The following FBXW12 variants were observed in gnomAD, a reference collection of about 807,000 sequenced individuals.
FBXW12 encodes F-box/WD repeat-containing protein 12.
A neutral mutation model predicts 55.3 loss-of-function variants in FBXW12; 43 were observed. That is an observed-to-expected ratio of 0.78 (90% CI 0.61 to 1.00). FBXW12 has a LOEUF of 1.00. Ranked by LOEUF, FBXW12 falls within the 50% of genes least tolerant of loss-of-function variation. The probability of loss-of-function intolerance (pLI) is 0.00; values close to 1 mark genes in which losing one functional copy is unlikely to be tolerated. For synonymous variants in FBXW12, 184 were observed against 203.8 expected (o/e 0.90, Z 0.83); for missense variants, 524 against 560.5 (o/e 0.93, Z 0.66).
chr3:48,378,331 G>A lies in FBXW12; in HGVS notation c.420G>A (p.Trp140Ter), dbSNP rs144563746. The A allele has an allele frequency of 1.3e-5, 21 of 1,613,856 alleles. No homozygotes were observed. The African/African-American group carries it at 1.3e-4, about 10-fold the overall frequency. ...AWDVQEGTMI[W>*]SSPVQEFHFS... The stretch of plus-strand genomic sequence containing the variant: ...TCGTTTTCTAGGGTACCATGATCTG[G>A]TCAAGCCCAGTCCAGGAGTTCCATT... The change falls in exon 6 of 11, where the codon TGG becomes TGA. Residue 140 changes from tryptophan (W) to a stop codon, truncating the protein, a stop_gained. Transcript: ENST00000296438. LOFTEE classifies it high-confidence loss of function.
rs893452642 is a variant in FBXW12 at position 48,378,305 on chromosome 3, C to A, written c.406-12C>A. 8 of 1,610,200 alleles carry A rather than the reference C, an allele frequency of 5.0e-6. No individual in the cohort carries two copies. In the African/African-American group the frequency reaches 8.0e-5, roughly 16 times the overall value. On this transcript the variant is annotated splice_polypyrimidine_tract_variant and intron_variant, in intron 5 of 10. Coordinates refer to ENST00000296438, the MANE Select transcript of FBXW12 (RefSeq NM_207102.2). ...TTCCTTGAACACAGGTCGTGTTACT[C>A]TCGTTTTCTAGGGTACCATGATCTG... is the stretch of plus-strand genomic sequence containing the variant.
At chr3:48,379,153 T>A (rs1463808899) in intron 6 of FBXW12, among the ~76,000 whole-genome samples, 1 of 152,178 alleles carries the variant, frequency 6.6e-6, no homozygotes, top group African/African-American at 2.4e-5. Flanking sequence ...GGGGTGACAT[T>A]GAGAAAAAGC....
chr3:48,374,082 G>A (rs965559369), intron 4 of FBXW12, among the ~76,000 whole-genome samples: 2 of 152,098 alleles, frequency 1.3e-5, no homozygotes, highest in Non-Finnish European at 2.9e-5. Flanking sequence ...ACTTTGAAAG[G>A]CCGAGGTGGG....
In FBXW12 at chr3:48,381,596, G is replaced by A. The variant is rs1466492183; in HGVS notation, c.986-104G>A. On this transcript the variant is annotated intron_variant, in intron 8 of 10. Transcript: ENST00000296438. The stretch of plus-strand genomic sequence containing the variant: ...CCCGGAATGAAGTCTGTGGAAGTGG[G>A]GACTATGCTTTTTTATTCAGTGTGA... 3.9e-6 allele frequency: 5 copies of A among 1,284,704 alleles called. No individual in the cohort carries two copies. The African/African-American group carries it at 5.9e-5, about 15-fold the overall frequency. The allele number at this position is 1,284,704 out of a possible 1,614,324, so 79.6% of individuals were successfully genotyped here. A position where few individuals can be genotyped will look rare whatever the true frequency, so the allele number is the denominator to read the frequency against.
intron 7 of FBXW12, among the ~76,000 whole-genome samples, chr3:48,380,501 T>C (rs1375292596): frequency 6.6e-6 from 1 of 152,210 alleles, no homozygotes; most frequent in Non-Finnish European, 1.5e-5. Context: ...CATTGTTCTG[T>C]GAATGGGACA....
chr3:48,380,608 A>G, intron 7 of FBXW12, 94 bp from the exon 8 acceptor site: 1 of 896,086 alleles, frequency 1.1e-6, no homozygotes, highest in Non-Finnish European at 1.8e-6. Context: ...TGGCCACAAG[A>G]TGAGAATTTC....
chr3:48,394,683 TTG>T lies in FBXW12; in HGVS notation c.*25_*26del. ...AATATGGAAACTAACAAAATTGACC[TTG>T]CATCATCTTCTGCAATGTAGTAAAG... On this transcript the variant is annotated 3_prime_UTR_variant, in exon 11 of 11. Transcript: ENST00000296438. 8.2e-7 allele frequency: 1 copy of T among 1,224,104 alleles called. No homozygotes were observed. The highest frequency in any genetic ancestry group is 1.3e-5 in the South Asian group (1 of 78,100). 75.8% of individuals were successfully genotyped at this position (1,224,104 alleles called of 1,614,324 possible).
intron 7 of FBXW12, 41 bp downstream of exon 7, chr3:48,379,599 G>C: frequency 6.3e-7 from 1 of 1,585,118 alleles, no homozygotes; most frequent in African/African-American, 1.3e-5. Flanking sequence ...GGATAGGAAT[G>C]TCAAGTTAGG....
chr3:48,382,165 G>A (rs1438243424), intron 10 of FBXW12, 80 bp downstream of exon 10: 1 of 1,517,848 alleles, frequency 6.6e-7, no homozygotes, highest in Non-Finnish European at 9.0e-7. Context: ...TCACCAGGCT[G>A]TAGTGCAGTG....
chr3:48,382,828 G>A (rs1176649428), intron 10 of FBXW12, among the ~76,000 whole-genome samples: 1 of 152,168 alleles, frequency 6.6e-6, no homozygotes, highest in East Asian at 1.9e-4. Context: ...ATTATTGCTA[G>A]TCATTATACT....
chr3:48,384,316 T>A (rs2036815704), intron 10 of FBXW12, among the ~76,000 whole-genome samples: 1 of 152,182 alleles, frequency 6.6e-6, no homozygotes, highest in South Asian at 2.1e-4. Flanking sequence ...AAGAGTACTG[T>A]CTTATTTCAA....
intron 10 of FBXW12, among the ~76,000 whole-genome samples, chr3:48,388,609 T>C: frequency 6.6e-6 from 1 of 152,238 alleles, no homozygotes; most frequent in South Asian, 2.1e-4. Context: ...TTATATTGTT[T>C]TTCATTCTTT....
intron 3 of FBXW12, 57 bp from the exon 4 acceptor site, chr3:48,373,491 C>T: frequency 6.2e-7 from 1 of 1,603,882 alleles, no homozygotes; most frequent in South Asian, 1.1e-5. Flanking sequence ...ATAACCGGGG[C>T]TCTGAGGAGG....
chr3:48,377,073 T>G (rs138425149), intron 5 of FBXW12, among the ~76,000 whole-genome samples: 159 of 152,338 alleles, frequency 1.0e-3, no homozygotes, highest in African/African-American at 3.5e-3. Context: ...GATTCTGCAA[T>G]GATACTACAA....
At chr3:48,375,183 C>A (rs1370151262) in intron 4 of FBXW12, among the ~76,000 whole-genome samples, 171 bp from the exon 5 acceptor site, 1 of 152,210 alleles carries the variant, frequency 6.6e-6, no homozygotes, top group African/African-American at 2.4e-5. Flanking sequence ...CCCAAATGGC[C>A]AGTCTGCCGT....
At position 48,380,697 on chromosome 3, in the gene FBXW12, T is replaced by C; in HGVS notation, c.775-5T>C. ...CCCTGACCATGCATGCGATGCTCTC[T>C]TTAGGTATTCCTCACAGAGTCCTTA... On this transcript the variant is annotated splice_polypyrimidine_tract_variant and splice_region_variant and intron_variant, in intron 7 of 10. Coordinates refer to ENST00000296438, the MANE Select transcript of FBXW12 (RefSeq NM_207102.2). The C allele has an allele frequency of 6.2e-7, 1 of 1,609,434 alleles. No homozygotes were observed. The highest frequency in any genetic ancestry group is 8.5e-7 in the Non-Finnish European group (1 of 1,175,688).
chr3:48,394,396 A>G (rs947766338), intron 10 of FBXW12, among the ~76,000 whole-genome samples, 164 bp from the exon 11 acceptor site: 2 of 151,808 alleles, frequency 1.3e-5, no homozygotes, highest in Non-Finnish European at 2.9e-5. Context: ...AATCAGTGTA[A>G]CTTTCCCTGA....
intron 2 of FBXW12, 72 bp from the exon 3 acceptor site, chr3:48,373,236 T>C (rs189389025): frequency 6.2e-7 from 1 of 1,609,660 alleles, no homozygotes; most frequent in African/African-American, 1.3e-5. Flanking sequence ...CCAGAACAAA[T>C]AATAGCAGAG....
chr3:48,394,584 T>C lies in FBXW12; in HGVS notation c.1320T>C (p.Asp440=). ...TDSCISSVMC[D]NASIVLRVRK... Reference sequence around the variant, plus strand: ...GCTGCATCTCCAGTGTGATGTGTGATAATGCAAGCATAGTACTTAGGGTGA... The same window carrying C: ...GCTGCATCTCCAGTGTGATGTGTGACAATGCAAGCATAGTACTTAGGGTGA... The change falls in exon 11 of 11, where the codon GAT becomes GAC. Residue 440 remains aspartate, a synonymous_variant. Coordinates refer to ENST00000296438, the MANE Select transcript of FBXW12 (RefSeq NM_207102.2). 1 of 1,605,228 alleles carries C rather than the reference T, an allele frequency of 6.2e-7. No homozygotes were observed. Among genetic ancestry groups the C allele is most frequent in the Non-Finnish European group, 8.5e-7 (1 of 1,175,630 alleles).
Sources: gnomAD v4.1 joint callset for allele counts (sites outside exome capture counted in the v4.1 genomes callset) on GRCh38, gnomAD v4.1.1 for gene constraint, MANE v1.5 for transcripts, NCBI Gene and HGNC (gene_info 2026-07-23, HGNC 2026-07-21) for gene names.